The following ZFAT variants were observed in gnomAD, a reference collection of about 807,000 sequenced individuals.
ZFAT encodes the protein zinc finger and AT-hook domain containing, also known as zinc finger protein ZFAT.
In ZFAT, 64 loss-of-function variants were observed where a neutral mutation model predicts 117.7. The ratio of observed to expected loss-of-function variants is 0.54; its 90% CI spans 0.44 to 0.67. The LOEUF (loss-of-function observed/expected upper bound fraction) is 0.67, where lower values mean the gene tolerates loss of function less well. Among genes scored for constraint, ZFAT ranks in the 30% least tolerant of loss-of-function variants. The pLI, the probability that ZFAT is intolerant of heterozygous loss-of-function variation, is 0.00. For missense variants in ZFAT, 1,433 were observed against 1,584.5 expected (o/e 0.90, Z 1.62); for synonymous variants, 679 against 615.0 (o/e 1.10, Z -1.54).
chr8:134,561,810 G>A (rs1258948807), intron 11 of ZFAT, among the ~76,000 whole-genome samples: 1 of 152,154 alleles, frequency 6.6e-6, no homozygotes, highest in African/African-American at 2.4e-5. Flanking sequence ...ATTGGTATAT[G>A]TATGAATATC....
the ZFAT span, among the ~76,000 whole-genome samples, chr8:134,744,799 G>A: frequency 3.9e-5 from 5 of 126,808 alleles, no homozygotes; most frequent in Admixed American, 3.0e-4. Context: ...GCCTGATCTC[G>A]GCTCACTGCA....
At chr8:134,493,498 CT>C (rs1177615452) in intron 15 of ZFAT, among the ~76,000 whole-genome samples, 1 of 152,258 alleles carries the variant, frequency 6.6e-6, no homozygotes, top group Non-Finnish European at 1.5e-5. Flanking sequence ...TCTTGTACCT[CT>C]TGCATGTCTC....
chr8:134,602,461 C>T lies in ZFAT; in HGVS notation c.1258G>A (p.Asp420Asn), dbSNP rs867980928. 6.2e-6 allele frequency: 10 copies of T among 1,613,746 alleles called. No homozygotes were observed. Among genetic ancestry groups the T allele is most frequent in the African/African-American group, 1.3e-5 (1 of 74,934 alleles). The stretch of plus-strand genomic sequence containing the variant: ...TCTCCGTGGACCAGCATATGGCGGT[C>T]ACGGTCCAGCTCGTTCTTGAACTTG... Reference protein sequence around the residue: ...ERKFKNELDRDRHMLVHGDKW... With the variant: ...ERKFKNELDRNRHMLVHGDKW... Residue 420 changes from aspartate to asparagine, a missense_variant, in exon 6 of 16, where the codon GAC (aspartate) becomes AAC (asparagine). This residue lies in a region of ZFAT where 73 missense variants were observed against 122.0 expected (regional missense o/e 0.60). Coordinates refer to ENST00000377838, the MANE Select transcript of ZFAT (RefSeq NM_020863.4).
At chr8:134,641,278 C>T (rs186830575) in intron 2 of ZFAT, among the ~76,000 whole-genome samples, 14 of 152,204 alleles carry the variant, frequency 9.2e-5, no homozygotes, top group South Asian at 2.1e-4. Flanking sequence ...GACCCCACTT[C>T]CTTCTTCCTC....
At chr8:134,758,325 A>AAAAAC in the ZFAT span, among the ~76,000 whole-genome samples, 46,187 of 151,728 alleles carry the variant, frequency 0.3, 7,169 homozygotes, top group South Asian at 0.33. Context: ...TACAGTGGAA[A>AAAAAC]AAAACAAAAC....
rs749266809 is a variant in ZFAT at position 134,608,733 on chromosome 8, T to C, written c.781A>G (p.Ser261Gly). The C allele has an allele frequency of 6.2e-7, 1 of 1,610,328 alleles. No individual in the cohort carries two copies. Among genetic ancestry groups the C allele is most frequent in the Non-Finnish European group, 8.5e-7 (1 of 1,178,590 alleles). Residue 261 changes from serine (S) to glycine (G), a missense_variant, in exon 5 of 16, where the codon AGC becomes GGC. By Grantham distance (56) the Ser-to-Gly change is moderately conservative. Around this residue, in one of 5 missense-constraint regions of ZFAT, gnomAD observed 436 missense variants for 482.0 expected, o/e 0.90. Coordinates refer to ENST00000377838, the MANE Select transcript of ZFAT (RefSeq NM_020863.4). ...QTPYEQPMKSSRLGPTQLKIF... is the reference protein window; with the variant it reads ...QTPYEQPMKSGRLGPTQLKIF... ...ACACAGAACAAAACACTTTACCTGC[T>C]TGACTTCATTGGTTGCTCATAAGGT... is the stretch of plus-strand genomic sequence containing the variant.
intron 13 of ZFAT, among the ~76,000 whole-genome samples, chr8:134,516,481 A>G (rs557473835): frequency 3.9e-5 from 6 of 152,118 alleles, no homozygotes; most frequent in Non-Finnish European, 7.4e-5. Flanking sequence ...ACTTCCCCTC[A>G]TCGAATGTTT....
Position 134,532,962 on chromosome 8 carries a change from C to T in ZFAT, c.2987G>A (p.Cys996Tyr). The T allele has an allele frequency of 1.2e-6, 2 of 1,604,330 alleles. No individual in the cohort carries two copies. Among genetic ancestry groups the T allele is most frequent in the Non-Finnish European group, 1.7e-6 (2 of 1,175,484 alleles). ...EQHVSFKPFR[C>Y]AHCHYSCNIS... The stretch of plus-strand genomic sequence containing the variant: ...GTTGCAGGAGTAATGGCAATGGGCA[C>T]AGCGGAAAGGCTGCGGGGACAATGA... Residue 996 changes from cysteine to tyrosine, a missense_variant, in exon 12 of 16, where the codon TGT becomes TAT. Cys to Tyr is a radical substitution (Grantham distance 194). Around this residue, in one of 5 missense-constraint regions of ZFAT, gnomAD observed 503 missense variants for 543.4 expected, o/e 0.93. Transcript: ENST00000377838.
At chr8:134,615,269 C>T (rs1015441802) in intron 3 of ZFAT, among the ~76,000 whole-genome samples, 6 of 152,184 alleles carry the variant, frequency 3.9e-5, no homozygotes, top group Admixed American at 1.3e-4. Flanking sequence ...TGACTGCAAC[C>T]TCCACCTCCG....
rs765380589 is a variant in ZFAT, at chr8:134,601,702, A to T, written c.2017T>A (p.Cys673Ser). Residue 673 changes from cysteine (C) to serine (S), a missense_variant, in exon 6 of 16, where the codon TGT becomes AGT. Coordinates refer to ENST00000377838, the MANE Select transcript of ZFAT (RefSeq NM_020863.4). Reference protein sequence around the residue: ...LSAGDPDPSRCLRSNPAEASD... With the variant: ...LSAGDPDPSRSLRSNPAEASD... ...GCCTCAGCTGGGTTTGACCTGAGACACCTGCTGGGATCTGGGTCACCAGCT... is the reference window on the plus strand; with the variant it reads ...GCCTCAGCTGGGTTTGACCTGAGACTCCTGCTGGGATCTGGGTCACCAGCT... 1 of 1,613,254 alleles carries T rather than the reference A, an allele frequency of 6.2e-7. No homozygotes were observed. The highest frequency in any genetic ancestry group is 8.5e-7 in the Non-Finnish European group (1 of 1,179,538).
chr8:134,615,000 T>C (rs908337847), intron 3 of ZFAT, among the ~76,000 whole-genome samples: 7 of 151,696 alleles, frequency 4.6e-5, no homozygotes, highest in African/African-American at 1.2e-4. Flanking sequence ...ATATGAGAGA[T>C]AGTAAAAGAA....
At chr8:134,531,274 T>C (rs997163731) in intron 12 of ZFAT, among the ~76,000 whole-genome samples, 2 of 152,166 alleles carry the variant, frequency 1.3e-5, no homozygotes, top group South Asian at 2.1e-4. Context: ...ACAGTAAACA[T>C]CTATTTCCTG....
chr8:134,509,835 G>T (rs10105965), intron 14 of ZFAT, 86 bp from the exon 15 acceptor site: 1 of 1,498,826 alleles, frequency 6.7e-7, no homozygotes. Context: ...CTGTTCTCTC[G>T]GGTGACGCCT....
upstream of ZFAT, among the ~76,000 whole-genome samples, chr8:134,715,015 A>C (rs1010937498): frequency 6.6e-6 from 1 of 152,250 alleles, no homozygotes; most frequent in Admixed American, 6.5e-5. Flanking sequence ...GTTTCCTTTT[A>C]GAACTATAAA....
At chr8:134,657,536 C>A in intron 2 of ZFAT, 25 bp downstream of exon 2, 5 of 1,584,126 alleles carry the variant, frequency 3.2e-6, no homozygotes, top group Non-Finnish European at 4.3e-6. Flanking sequence ...AGAAGGTATC[C>A]TGCCCCACCC....
chr8:134,710,058 A>G (rs1813931320), intron 1 of ZFAT, among the ~76,000 whole-genome samples: 1 of 152,266 alleles, frequency 6.6e-6, no homozygotes, highest in Non-Finnish European at 1.5e-5. Flanking sequence ...CATTTGGTAC[A>G]GCTGGAAATT....
chr8:134,589,753 C>T (rs147552978), intron 8 of ZFAT, among the ~76,000 whole-genome samples: 6 of 152,184 alleles, frequency 3.9e-5, no homozygotes, highest in African/African-American at 9.7e-5. Context: ...CAGGAATTAA[C>T]CAGGTAGGGC....
chr8:134,532,799 C>T (rs371001160), intron 12 of ZFAT, 35 bp downstream of exon 12: 23 of 1,602,162 alleles, frequency 1.4e-5, no homozygotes, highest in South Asian at 4.5e-5. Context: ...TAAAAGGAAG[C>T]GGGCAGGGCC....
the ZFAT span, among the ~76,000 whole-genome samples, chr8:134,822,204 G>A: frequency 6.6e-6 from 1 of 152,194 alleles, no homozygotes; most frequent in Non-Finnish European, 1.5e-5. Flanking sequence ...CAAATTACAA[G>A]ACAATATTAG....
Sources: allele counts gnomAD v4.1 joint callset (sites outside exome capture counted in the v4.1 genomes callset), GRCh38; gene constraint gnomAD v4.1.1; regional missense constraint gnomAD v4.1.1; transcripts MANE v1.5; gene names NCBI Gene and HGNC (gene_info 2026-07-23, HGNC 2026-07-21).